The following CARS1 variants were observed in gnomAD, a reference collection of about 807,000 sequenced individuals.
CARS1 encodes cysteinyl-tRNA synthetase 1, also known as cysteine--tRNA ligase, cytoplasmic.
Under a neutral mutation model 106.2 loss-of-function variants are expected in CARS1, and 48 were observed. The ratio of observed to expected loss-of-function variants is 0.45; its 90% CI spans 0.36 to 0.57. The LOEUF (loss-of-function observed/expected upper bound fraction) is 0.57, where lower values mean the gene tolerates loss of function less well. Ranked by LOEUF, CARS1 falls within the 20% of genes least tolerant of loss-of-function variation. The probability of loss-of-function intolerance (pLI) is 0.00; values close to 1 mark genes in which losing one functional copy is unlikely to be tolerated. For synonymous variants in CARS1, 409 were observed against 403.4 expected, an observed-to-expected ratio of 1.01 and a Z score of -0.17; for missense variants, 968 against 1,057.2, an observed-to-expected ratio of 0.92 and a Z score of 1.17.
intron 18 of CARS1, chr11:3,007,318 C>T (rs950031795): frequency 6.1e-6 from 2 of 327,190 alleles, no homozygotes; most frequent in South Asian, 9.7e-5. Flanking sequence ...AGGGTCAGGA[C>T]AGGCCTGGGG....
In CARS1 at chr11:3,012,340, A is replaced by G. The variant is rs865887271; in HGVS notation, c.1987-64T>C. 4.4e-5 allele frequency: 62 copies of G among 1,424,630 alleles called. 2 individuals carry two copies. In the Middle Eastern group the frequency reaches 2.8e-3, roughly 65 times the overall value. The allele number at this position is 1,424,630 out of a possible 1,614,324, so 88.2% of individuals were successfully genotyped here. On this transcript the variant is annotated intron_variant, in intron 17 of 22. Transcript: ENST00000380525. ...ACACTCCCATATTCATAACAGAATA[A>G]TAGCTCAGTGGCCGCGACACAGGGC...
Position 3,019,023 on chromosome 11 carries a change from T to C in CARS1, c.1395+116A>G. 2 of 1,245,696 alleles carry C rather than the reference T, an allele frequency of 1.6e-6. No individual in the cohort carries two copies. Among genetic ancestry groups the C allele is most frequent in the African/African-American group, 3.0e-5 (2 of 66,718 alleles). The allele number at this position is 1,245,696 out of a possible 1,614,324, so 77.2% of individuals were successfully genotyped here. On this transcript the variant is annotated intron_variant, in intron 12 of 22. Transcript: ENST00000380525. This position sits in a 1 kb window ranked among gnomAD's most constrained non-coding sequence, Gnocchi z 6.2. ...TTCAGATTCCACCCACAAGCCCCGA[T>C]GAAGGTGTCAAGTTCTAGTGAGAGA...
chr11:3,009,249 G>T (rs1268241278), intron 18 of CARS1: 1 of 152,270 alleles, frequency 6.6e-6, no homozygotes, highest in Non-Finnish European at 1.5e-5. Flanking sequence ...CATGGAATAT[G>T]ATTTGGCCAT....
rs140943597 is a variant in CARS1 at position 3,008,425 on chromosome 11, C to T, written c.2069-1466G>A. On this transcript the variant is annotated intron_variant, in intron 18 of 22. Transcript: ENST00000380525. The surrounding 1 kb of genome is among the most constrained non-coding windows in gnomAD (Gnocchi z 5.1). ...CACAAGGTCAGGAGATCGAGACCAT[C>T]CTGGCCAACATGGTGAAACCCCATC... 0.014 allele frequency: 2,105 copies of T among 152,218 alleles called. 21 individuals carry two copies. Among genetic ancestry groups the T allele is most frequent in the Non-Finnish European group, 0.021 (1,423 of 68,046 alleles). The allele number at this position is 152,218 out of a possible 1,614,324, so 9.4% of individuals were successfully genotyped here.
At chr11:3,049,978 G>A (rs1488353895) in intron 1 of CARS1, among the ~76,000 whole-genome samples, 1 of 152,192 alleles carries the variant, frequency 6.6e-6, no homozygotes, top group African/African-American at 2.4e-5. Context: ...ACGCTGTGGT[G>A]TCAGCAAAGA....
At chr11:3,018,187 G>A (rs1278828536) in intron 14 of CARS1, 3 of 610,346 alleles carry the variant, frequency 4.9e-6, no homozygotes, top group Non-Finnish European at 8.7e-6. Context: ...GTGCACTGCA[G>A]TGACTAGGAG....
chr11:3,016,175 G>A (rs1483033784), intron 16 of CARS1, among the ~76,000 whole-genome samples: 1 of 152,018 alleles, frequency 6.6e-6, no homozygotes, highest in South Asian at 2.1e-4. Flanking sequence ...GAAGGGCTCT[G>A]CACAGGATGT....
rs1361758915 is a variant in CARS1 at position 3,017,191 on chromosome 11, T to C, written c.1832A>G (p.Tyr611Cys). ...MRALVSQCNL[Y>C]MAARKAVRKR... ...CCTCACGGCTTTCCGGGCTGCCATATAGAGGTTGCACTGACTGACCAAGGC... is the reference window on the plus strand; with the variant it reads ...CCTCACGGCTTTCCGGGCTGCCATACAGAGGTTGCACTGACTGACCAAGGC... The change falls in exon 16 of 23, where the codon TAT becomes TGT. Residue 611 changes from tyrosine (Y) to cysteine (C), a missense_variant. By Grantham distance (194) the Tyr-to-Cys change is radical. Transcript: ENST00000380525. The surrounding 1 kb of genome is among the most constrained non-coding windows in gnomAD (Gnocchi z 4.9). The C allele has an allele frequency of 3.7e-6, 6 of 1,614,136 alleles. No homozygotes were observed. Among genetic ancestry groups the C allele is most frequent in the African/African-American group, 1.3e-5 (1 of 75,048 alleles).
Position 3,022,898 on chromosome 11 carries a change from C to G in CARS1, c.1154-2566G>C, listed in dbSNP as rs1851698962. Among the ~76,000 whole-genome samples the G allele has an allele frequency of 6.6e-6, 1 of 152,166 alleles. No homozygotes were observed. Among genetic ancestry groups the G allele is most frequent in the Admixed American group, 6.5e-5 (1 of 15,278 alleles). ...CCATGGCGAGGAGCACATGACTGCA[C>G]AGAGCTAAGGCTACACTCCTTATGA... On this transcript the variant is annotated intron_variant, in intron 10 of 22. Transcript: ENST00000380525. This position sits in a 1 kb window ranked among gnomAD's most constrained non-coding sequence, Gnocchi z 4.9.
At chr11:3,036,219 G>A (rs994125787) in intron 7 of CARS1, among the ~76,000 whole-genome samples, 5 of 152,212 alleles carry the variant, frequency 3.3e-5, no homozygotes, top group African/African-American at 1.2e-4. Flanking sequence ...TCCTCGCTGT[G>A]TCACTGCTAC....
chr11:3,022,878 G>A lies in CARS1; in HGVS notation c.1154-2546C>T, dbSNP rs995612491. On this transcript the variant is annotated intron_variant, in intron 10 of 22. Transcript: ENST00000380525. This position sits in a 1 kb window ranked among gnomAD's most constrained non-coding sequence, Gnocchi z 4.9. ...TTCCTCTACCATTAGAGTCCCCATG[G>A]CGAGGAGCACATGACTGCACAGAGC... Among the ~76,000 whole-genome samples, 4 of 152,176 alleles carry A rather than the reference G, an allele frequency of 2.6e-5. No individual in the cohort carries two copies. Among genetic ancestry groups the A allele is most frequent in the African/African-American group, 9.7e-5 (4 of 41,432 alleles).
At position 3,045,123 on chromosome 11, in the gene CARS1, G is replaced by A. The variant is rs1334886457; in HGVS notation, c.274+2630C>T. Reference sequence around the variant, plus strand: ...GAAGGGCTGAGCCTCCACTGCGGGTGAGAAGTGCTCAACAAGTTCAACGTC... The same window carrying A: ...GAAGGGCTGAGCCTCCACTGCGGGTAAGAAGTGCTCAACAAGTTCAACGTC... On this transcript the variant is annotated intron_variant, in intron 2 of 22. Coordinates refer to ENST00000380525, the MANE Select transcript of CARS1 (RefSeq NM_001014437.3). The surrounding 1 kb of genome is among the most constrained non-coding windows in gnomAD (Gnocchi z 5.6). Among the ~76,000 whole-genome samples, 2 of 152,170 alleles carry A rather than the reference G, an allele frequency of 1.3e-5. No individual in the cohort carries two copies. Among genetic ancestry groups the A allele is most frequent in the Admixed American group, 6.5e-5 (1 of 15,268 alleles).
In CARS1 at chr11:3,022,574, T is replaced by C. The variant is rs377269349; in HGVS notation, c.1154-2242A>G. 1.1e-4 allele frequency among the ~76,000 whole-genome samples: 16 copies of C among 152,338 alleles called. No individual in the cohort carries two copies. In the South Asian group the frequency reaches 2.9e-3, roughly 28 times the overall value. On this transcript the variant is annotated intron_variant, in intron 10 of 22. Transcript: ENST00000380525. This position sits in a 1 kb window ranked among gnomAD's most constrained non-coding sequence, Gnocchi z 4.9. Reference sequence around the variant, plus strand: ...CAGACCTATTATGGTTACAACACAATGTCTTTCAAGTTTTCCTTCTTGGTT... The same window carrying C: ...CAGACCTATTATGGTTACAACACAACGTCTTTCAAGTTTTCCTTCTTGGTT...
chr11:3,040,918 C>T lies in CARS1; in HGVS notation c.433G>A (p.Ala145Thr), dbSNP rs1396843622. The T allele has an allele frequency of 2.2e-5, 35 of 1,613,976 alleles. No individual in the cohort carries two copies. The highest frequency in any genetic ancestry group is 3.3e-5 in the Admixed American group (2 of 59,980). The part of the protein sequence containing the change: ...WYCCGPTVYD[A>T]SHMGHARSYI... ...TACCTGGCGTGCCCCATGTGAGATG[C>T]GTCATAGACGGTTGGCCCACAGCAA... Residue 145 changes from alanine to threonine, a missense_variant, in exon 4 of 23, where the codon GCA (alanine) becomes ACA (threonine). Coordinates refer to ENST00000380525, the MANE Select transcript of CARS1 (RefSeq NM_001014437.3). The surrounding 1 kb of genome is among the most constrained non-coding windows in gnomAD (Gnocchi z 5.8).
At position 3,002,056 on chromosome 11, in the gene CARS1, A is replaced by G; in HGVS notation, c.2278-3T>C. On this transcript the variant is annotated splice_region_variant and splice_polypyrimidine_tract_variant and intron_variant, in intron 21 of 22. Transcript: ENST00000380525. ...TTCATCTTGGCCAGCTTTGCTGCCT[A>G]GAACACGCAACACGGCACAGTCACT... is the stretch of plus-strand genomic sequence containing the variant. The G allele has an allele frequency of 6.2e-7, 1 of 1,609,254 alleles. No individual in the cohort carries two copies. The highest frequency in any genetic ancestry group is 8.5e-7 in the Non-Finnish European group (1 of 1,175,758).
rs1172123967 is a variant in CARS1, at chr11:3,028,105, A to G, written c.1031+891T>C. The G allele has an allele frequency of 3.4e-6, 1 of 296,660 alleles. No homozygotes were observed. Among genetic ancestry groups the G allele is most frequent in the African/African-American group, 2.2e-5 (1 of 45,722 alleles). The allele number at this position is 296,660 out of a possible 1,614,324, so 18.4% of individuals were successfully genotyped here. On this transcript the variant is annotated intron_variant, in intron 9 of 22. Coordinates refer to ENST00000380525, the MANE Select transcript of CARS1 (RefSeq NM_001014437.3). The surrounding 1 kb of genome is among the most constrained non-coding windows in gnomAD (Gnocchi z 4.4). ...AGTGAAAGTACTAAAAGTCTCTGAT[A>G]TGCAGAAATAATGGCGTAAGCTGCC...
At chr11:3,055,832 C>T (rs925411207) in intron 1 of CARS1, among the ~76,000 whole-genome samples, 1 of 152,240 alleles carries the variant, frequency 6.6e-6, no homozygotes, top group African/African-American at 2.4e-5. Context: ...CACTGTTCTA[C>T]GTCCTTCCCA....
In CARS1 at chr11:3,018,024, T is replaced by C. The variant is rs374395875; in HGVS notation, c.1630-70A>G. 2.0e-4 allele frequency: 185 copies of C among 945,602 alleles called. 1 individual carries two copies. In the Middle Eastern group the frequency reaches 3.4e-3, roughly 17 times the overall value. 58.6% of individuals were successfully genotyped at this position (945,602 alleles called of 1,614,324 possible). ...CATCCTGAAATATCTGTTACAACTT[T>C]CTACTGCTGTGATTTTATTTTTGGT... On this transcript the variant is annotated intron_variant, in intron 14 of 22. Coordinates refer to ENST00000380525, the MANE Select transcript of CARS1 (RefSeq NM_001014437.3).
Position 3,010,296 on chromosome 11 carries a change from G to A in CARS1, c.2068+1899C>T, listed in dbSNP as rs544974366. ...GTGCACAGTCTTGTATGACCCCAGG[G>A]AGCTGGGGCCCGGGCTCGGCCTTCG... is the stretch of plus-strand genomic sequence containing the variant. On this transcript the variant is annotated intron_variant, in intron 18 of 22. Coordinates refer to ENST00000380525, the MANE Select transcript of CARS1 (RefSeq NM_001014437.3). Among the ~76,000 whole-genome samples, 288 of 152,266 alleles carry A rather than the reference G, an allele frequency of 1.9e-3. 1 individual carries two copies. The highest frequency in any genetic ancestry group is 0.01 in the Middle Eastern group (3 of 294).
Sources: gnomAD v4.1 joint callset for allele counts (sites outside exome capture counted in the v4.1 genomes callset) on GRCh38, gnomAD v4.1.1 for gene constraint, Gnocchi (gnomAD v3.1) non-coding constraint, MANE v1.5 for transcripts, NCBI Gene and HGNC (gene_info 2026-07-23, HGNC 2026-07-21) for gene names.